The following FBXO34 variants were observed in gnomAD, a reference collection of about 807,000 sequenced individuals.
The protein encoded by FBXO34 is F-box only protein 34.
A neutral mutation model predicts 24.5 loss-of-function variants in FBXO34; 12 were observed. That is an observed-to-expected ratio of 0.49 (90% CI 0.31 to 0.79). The LOEUF (loss-of-function observed/expected upper bound fraction) is 0.79. Among genes scored for constraint, FBXO34 ranks in the 30% least tolerant of loss-of-function variants. The pLI is 0.04. For synonymous variants in FBXO34, 320 were observed against 311.9 expected (o/e 1.03, Z -0.27); for missense variants, 823 against 857.7 (o/e 0.96, Z 0.51).
downstream of FBXO34, among the ~76,000 whole-genome samples, chr14:55,374,863 C>T (rs1300481055): frequency 1.3e-5 from 2 of 152,192 alleles, no homozygotes; most frequent in South Asian, 2.1e-4. Flanking sequence ...AATCACTCCA[C>T]CTATTTGCAT....
intron 1 of FBXO34, 72 bp downstream of exon 1, chr14:55,271,609 G>T (rs989499767): frequency 4.7e-5 from 7 of 147,996 alleles, no homozygotes; most frequent in African/African-American, 1.7e-4. Context: ...CACCGTGGCC[G>T]CTCCCCGCCC....
intron 1 of FBXO34, among the ~76,000 whole-genome samples, chr14:55,324,228 G>A (rs1883266990): frequency 6.6e-6 from 1 of 152,124 alleles, no homozygotes; most frequent in African/African-American, 2.4e-5. Flanking sequence ...TTAGCATGAT[G>A]TCTTCAAGGT....
the FBXO34 span, among the ~76,000 whole-genome samples, chr14:55,422,311 T>C: frequency 6.6e-6 from 1 of 152,120 alleles, no homozygotes; most frequent in African/African-American, 2.4e-5. Flanking sequence ...GACTACGCGA[T>C]CTCAGCTCAC....
intron 1 of FBXO34, among the ~76,000 whole-genome samples, chr14:55,321,310 C>A (rs181565680): frequency 6.6e-6 from 1 of 152,276 alleles, no homozygotes; most frequent in South Asian, 2.1e-4. Context: ...TCCCACACCC[C>A]CCACCTGCAA....
rs185057488 is a variant in FBXO34, at chr14:55,347,789, T to C, written c.-10-2592T>C. 3.1e-3 allele frequency among the ~76,000 whole-genome samples: 479 copies of C among 152,318 alleles called. 5 individuals are homozygous for C. The highest frequency in any genetic ancestry group is 0.011 in the African/African-American group (457 of 41,572). On this transcript the variant is annotated intron_variant, in intron 1 of 1. Coordinates refer to ENST00000313833, the MANE Select transcript of FBXO34 (RefSeq NM_017943.4). ...CTATCAATAATAGCACCTAAAATAA[T>C]ATATGGGGGAAGAAGTCAAAGAGAA...
chr14:55,353,841 C>T (rs1244972902), downstream of FBXO34, among the ~76,000 whole-genome samples: 8 of 152,076 alleles, frequency 5.3e-5, no homozygotes, highest in Admixed American at 2.6e-4. Flanking sequence ...GTTCGAGTGA[C>T]GTATTATCTA....
intron 1 of FBXO34, 43 bp from the exon 2 acceptor site, chr14:55,350,338 A>C (rs1431316965): frequency 7.0e-7 from 1 of 1,419,052 alleles, no homozygotes; most frequent in Non-Finnish European, 9.3e-7. Flanking sequence ...TTTTCTAAAA[A>C]CAAAATTGGT....
At chr14:55,333,733 T>TA (rs398118229) in intron 1 of FBXO34, among the ~76,000 whole-genome samples, 45 of 151,586 alleles carry the variant, frequency 3.0e-4, no homozygotes, top group Non-Finnish European at 4.0e-4. Context: ...TTTTTTTTTT[T>TA]AAATCTATGT....
the FBXO34 span, chr14:55,428,812 G>A: frequency 3.7e-6 from 6 of 1,613,710 alleles, no homozygotes; most frequent in Non-Finnish European, 4.2e-6. Flanking sequence ...CATACCTACT[G>A]AACTGCTGAT....
intron 1 of FBXO34, among the ~76,000 whole-genome samples, chr14:55,288,487 G>A (rs1242334748): frequency 6.6e-6 from 1 of 152,122 alleles, no homozygotes; most frequent in Non-Finnish European, 1.5e-5. Flanking sequence ...AAAGGCAAGA[G>A]TTTATATTCA....
chr14:55,408,040 G>A, the FBXO34 span, among the ~76,000 whole-genome samples: 28 of 152,176 alleles, frequency 1.8e-4, no homozygotes, highest in African/African-American at 5.8e-4. Flanking sequence ...ATTTGAGTGC[G>A]TAATACATTC....
At chr14:55,394,897 ACT>A in the FBXO34 span, 1 of 368,164 alleles carries the variant, frequency 2.7e-6, no homozygotes. Flanking sequence ...AATATCCCAC[ACT>A]GTCTTCTGGT....
chr14:55,280,391 T>A (rs1041521635), intron 1 of FBXO34, among the ~76,000 whole-genome samples: 2 of 152,186 alleles, frequency 1.3e-5, no homozygotes, highest in Admixed American at 6.5e-5. Flanking sequence ...TTTTTTCTTG[T>A]CATGACAGTA....
the FBXO34 span, among the ~76,000 whole-genome samples, chr14:55,421,475 T>C: frequency 6.6e-6 from 1 of 152,182 alleles, no homozygotes; most frequent in African/African-American, 2.4e-5. Context: ...TTTTTAATTT[T>C]TTAATTAAGA....
chr14:55,346,095 G>A (rs770917120), intron 1 of FBXO34, among the ~76,000 whole-genome samples: 4 of 152,198 alleles, frequency 2.6e-5, no homozygotes, highest in Non-Finnish European at 5.9e-5. Flanking sequence ...GATGCTACAT[G>A]TTTTATGGTC....
the FBXO34 span, among the ~76,000 whole-genome samples, chr14:55,417,271 GTA>G: frequency 6.6e-6 from 1 of 152,052 alleles, no homozygotes; most frequent in African/African-American, 2.4e-5. Flanking sequence ...AACATTGCCA[GTA>G]TTTGTAACAG....
the FBXO34 span, among the ~76,000 whole-genome samples, chr14:55,380,875 A>ATATATATATATATATTTTTT: frequency 2.7e-5 from 3 of 112,728 alleles, no homozygotes; most frequent in African/African-American, 3.8e-5. Context: ...ATATATATAT[A>ATATATATATATATATTTTTT]TTTTTTTTTT....
At chr14:55,392,564 G>A in the FBXO34 span, among the ~76,000 whole-genome samples, 2 of 150,726 alleles carry the variant, frequency 1.3e-5, no homozygotes, top group African/African-American at 2.4e-5. Context: ...TGGGAGAATC[G>A]CTTGAGCCCA....
the FBXO34 span, chr14:55,440,344 A>G: frequency 1.4e-5 from 23 of 1,606,182 alleles, no homozygotes; most frequent in East Asian, 5.2e-4. Context: ...CCCTTGGCAC[A>G]GGACCGGGCG....
Sources: allele counts gnomAD v4.1 joint callset (sites outside exome capture counted in the v4.1 genomes callset), GRCh38; gene constraint gnomAD v4.1.1; transcripts MANE v1.5; gene names NCBI Gene and HGNC (gene_info 2026-07-23, HGNC 2026-07-21).